FAM83B: variants seen among roughly 807,000 people sequenced by gnomAD.
FAM83B encodes protein FAM83B.
In FAM83B, 26 loss-of-function variants were observed where a neutral mutation model predicts 38.8. The ratio of observed to expected loss-of-function variants is 0.67; its 90% CI spans 0.49 to 0.93. FAM83B has a LOEUF of 0.93. Ranked by LOEUF, FAM83B falls within the 40% of genes least tolerant of loss-of-function variation. The probability of loss-of-function intolerance (pLI) is 0.00; values close to 1 mark genes in which losing one functional copy is unlikely to be tolerated. For missense variants in FAM83B, 1,237 were observed against 1,197.3 expected (o/e 1.03, Z -0.49); for synonymous variants, 419 against 423.1 (o/e 0.99, Z 0.12).
At chr6:54,898,274 C>T (rs1419869157) in intron 2 of FAM83B, among the ~76,000 whole-genome samples, 2 of 152,120 alleles carry the variant, frequency 1.3e-5, no homozygotes, top group Non-Finnish European at 2.9e-5. Context: ...ATGTCTCTAG[C>T]TTAGAAAGAA....
intron 2 of FAM83B, among the ~76,000 whole-genome samples, chr6:54,903,087 T>C (rs533398978): frequency 6.6e-6 from 1 of 152,192 alleles, no homozygotes; most frequent in Non-Finnish European, 1.5e-5. Flanking sequence ...TTTGTTTCTA[T>C]GGATATATTT....
At position 54,940,527 on chromosome 6, in the gene FAM83B, G is replaced by C. The variant is rs749945909; in HGVS notation, c.1556G>C (p.Arg519Pro). The C allele has an allele frequency of 6.2e-7, 1 of 1,614,026 alleles. No homozygotes were observed. Among genetic ancestry groups the C allele is most frequent in the Non-Finnish European group, 8.5e-7 (1 of 1,180,008 alleles). Residue 519 changes from arginine (R) to proline (P), a missense_variant, in exon 5 of 5, where the codon CGA (arginine) becomes CCA (proline). Transcript: ENST00000306858. Reference sequence around the variant, plus strand: ...TCAAATGGATCAGCTTTAGGTGACCGATTTGAGGGCTATGATAATCCTGAG... The same window carrying C: ...TCAAATGGATCAGCTTTAGGTGACCCATTTGAGGGCTATGATAATCCTGAG... Reference protein sequence around the residue: ...PDSNGSALGDRFEGYDNPENL... With the variant: ...PDSNGSALGDPFEGYDNPENL...
intron 2 of FAM83B, among the ~76,000 whole-genome samples, chr6:54,893,958 G>T (rs1185228536): frequency 6.6e-6 from 1 of 152,158 alleles, no homozygotes; most frequent in Admixed American, 6.5e-5. Flanking sequence ...AGTGTTATAG[G>T]TGATAAAAGA....
chr6:54,886,790 A>G (rs1344632036), intron 2 of FAM83B, among the ~76,000 whole-genome samples: 1 of 151,850 alleles, frequency 6.6e-6, no homozygotes, highest in Non-Finnish European at 1.5e-5. Flanking sequence ...GGATTCTTGA[A>G]TACTTGAACT....
Position 54,865,931 on chromosome 6 carries a change from A to G in FAM83B, c.-60-4256A>G, listed in dbSNP as rs200814829. Among the ~76,000 whole-genome samples the G allele has an allele frequency of 1.2e-4, 18 of 150,828 alleles. No individual in the cohort carries two copies. In the East Asian group the frequency reaches 3.5e-3, roughly 30 times the overall value. ...TCAAATTTATTACATATTTATAGTAATTATACTATAGCAGATTGTGAACAT... is the reference window on the plus strand; with the variant it reads ...TCAAATTTATTACATATTTATAGTAGTTATACTATAGCAGATTGTGAACAT... On this transcript the variant is annotated intron_variant, in intron 1 of 4. Transcript: ENST00000306858.
At chr6:54,846,590 C>T (rs1355651609), upstream of FAM83B, among the ~76,000 whole-genome samples, 1 of 152,124 alleles carries the variant, frequency 6.6e-6, no homozygotes, top group Non-Finnish European at 1.5e-5. Context: ...CGGGGTTTGG[C>T]GTGCCACCAC....
Position 54,940,498 on chromosome 6 carries a change from G to C in FAM83B, c.1527G>C (p.Pro509=). The C allele has an allele frequency of 6.2e-7, 1 of 1,614,000 alleles. No homozygotes were observed. Among genetic ancestry groups the C allele is most frequent in the Non-Finnish European group, 8.5e-7 (1 of 1,179,990 alleles). The change falls in exon 5 of 5, where the codon CCG becomes CCC. Residue 509 remains proline (P), a synonymous_variant. Transcript: ENST00000306858. ...SYLNDHSEAT[P]DSNGSALGDR... is the part of the protein sequence containing the mutation. ...TAAATGATCATTCAGAAGCTACACC[G>C]GACTCAAATGGATCAGCTTTAGGTG...
At chr6:54,877,342 T>A (rs1772021952) in intron 2 of FAM83B, among the ~76,000 whole-genome samples, 1 of 152,208 alleles carries the variant, frequency 6.6e-6, no homozygotes. Context: ...TTGTCTGTCC[T>A]CTCAATGAGA....
intron 1 of FAM83B, among the ~76,000 whole-genome samples, chr6:54,863,907 C>A (rs1363985592): frequency 2.0e-5 from 3 of 152,148 alleles, no homozygotes; most frequent in Non-Finnish European, 4.4e-5. Context: ...AAGAATACGT[C>A]ACTTTGGTAT....
chr6:54,903,237 T>A (rs1267465060), intron 2 of FAM83B, among the ~76,000 whole-genome samples: 1 of 152,200 alleles, frequency 6.6e-6, no homozygotes, highest in Non-Finnish European at 1.5e-5. Context: ...CAAATGTAAG[T>A]GTAGAGAGTG....
At position 54,870,238 on chromosome 6, in the gene FAM83B, C is replaced by G. The variant is rs778707712; in HGVS notation, c.-9C>G. 1 of 1,605,192 alleles carries G rather than the reference C, an allele frequency of 6.2e-7. No individual in the cohort carries two copies. Among genetic ancestry groups the G allele is most frequent in the Non-Finnish European group, 8.5e-7 (1 of 1,172,986 alleles). ...CATTTGAAAGTGCCATAGCCAAACA[C>G]TTGCAAGCATGGAGACCTCATCAAT... On this transcript the variant is annotated 5_prime_UTR_variant, in exon 2 of 5. Transcript: ENST00000306858.
chr6:54,879,633 AAGC>A (rs1284112055), intron 2 of FAM83B, among the ~76,000 whole-genome samples: 1 of 152,102 alleles, frequency 6.6e-6, no homozygotes, highest in Non-Finnish European at 1.5e-5. Context: ...AAAAAAAGGA[AAGC>A]AGAGTTGTTG....
intron 1 of FAM83B, among the ~76,000 whole-genome samples, chr6:54,857,885 A>G (rs1255180252): frequency 6.6e-6 from 1 of 152,178 alleles, no homozygotes; most frequent in African/African-American, 2.4e-5. Context: ...TGGATAAGAT[A>G]GAAATGAAAA....
intron 1 of FAM83B, among the ~76,000 whole-genome samples, chr6:54,858,727 AG>A: frequency 1.3e-5 from 2 of 152,340 alleles, no homozygotes; most frequent in South Asian, 4.1e-4. Context: ...GAAAATGCCA[AG>A]AATCTGTTTG....
intron 2 of FAM83B, among the ~76,000 whole-genome samples, chr6:54,921,482 T>A (rs1021633187): frequency 2.2e-4 from 33 of 151,992 alleles, no homozygotes; most frequent in Non-Finnish European, 4.7e-4. Flanking sequence ...TTTACTCAAA[T>A]CTTAAAAATG....
intron 2 of FAM83B, among the ~76,000 whole-genome samples, chr6:54,906,833 A>C (rs114982329): frequency 0.023 from 3,532 of 152,292 alleles, 127 homozygotes; most frequent in African/African-American, 0.08. Context: ...ATTATATTTC[A>C]GTCCAAGTAA....
intron 2 of FAM83B, among the ~76,000 whole-genome samples, chr6:54,904,571 T>C (rs960076022): frequency 1.3e-5 from 2 of 152,208 alleles, no homozygotes; most frequent in African/African-American, 4.8e-5. Context: ...TAATAAAAAA[T>C]AAACATATGG....
chr6:54,873,572 A>T (rs1194891387), intron 2 of FAM83B, among the ~76,000 whole-genome samples: 2 of 151,810 alleles, frequency 1.3e-5, no homozygotes, highest in Non-Finnish European at 2.9e-5. Context: ...CTGTTTTTGA[A>T]TTTTTTTCAG....
chr6:54,939,422 A>G (rs1484235059), intron 4 of FAM83B, among the ~76,000 whole-genome samples: 1 of 152,102 alleles, frequency 6.6e-6, no homozygotes, highest in Non-Finnish European at 1.5e-5. Flanking sequence ...TTTGATGGGA[A>G]TTGCATTGAA....
Sources: allele counts gnomAD v4.1 joint callset (sites outside exome capture counted in the v4.1 genomes callset), GRCh38; gene constraint gnomAD v4.1.1; transcripts MANE v1.5; gene names NCBI Gene and HGNC (gene_info 2026-07-23, HGNC 2026-07-21).